Variants in SSPN observed in about 807,000 individuals in gnomAD.
SSPN encodes the protein sarcospan, also known as K-ras oncogene-associated protein.
Under a neutral mutation model 19.1 loss-of-function variants are expected in SSPN, and 15 were observed. The ratio of observed to expected loss-of-function variants is 0.78; its 90% CI spans 0.52 to 1.21. The LOEUF (loss-of-function observed/expected upper bound fraction) is 1.21, where lower values mean the gene tolerates loss of function less well. SSPN is among the 50% of genes most tolerant of loss of function. SSPN has a pLI of 0.00. For synonymous variants in SSPN, 147 were observed against 140.3 expected (o/e 1.05, Z -0.34); for missense variants, 291 against 314.0 (o/e 0.93, Z 0.55).
intron 1 of SSPN, among the ~76,000 whole-genome samples, chr12:26,131,397 C>A (rs1003309551): frequency 1.3e-5 from 2 of 152,246 alleles, no homozygotes; most frequent in South Asian, 4.1e-4. Context: ...ACGTAGCAGA[C>A]CTGTCCTGTG....
chr12:26,224,490 AT>A, intron 2 of SSPN, 111 bp downstream of exon 2: 2 of 931,362 alleles, frequency 2.1e-6, no homozygotes, highest in Non-Finnish European at 3.4e-6. Context: ...TAGAAATTGC[AT>A]TTTTAGGCAG....
chr12:26,174,846 T>C (rs1944674987), intron 1 of SSPN, among the ~76,000 whole-genome samples: 1 of 152,164 alleles, frequency 6.6e-6, no homozygotes, highest in Non-Finnish European at 1.5e-5. Flanking sequence ...TAGAAACCAT[T>C]GATCTACTTT....
At chr12:26,175,918 C>T (rs970229794) in intron 1 of SSPN, among the ~76,000 whole-genome samples, 4 of 151,680 alleles carry the variant, frequency 2.6e-5, no homozygotes, top group Non-Finnish European at 5.9e-5. Flanking sequence ...CTCACTGCAA[C>T]CTCTGCCTCC....
chr12:26,128,439 A>G (rs995356751), intron 1 of SSPN, among the ~76,000 whole-genome samples: 11 of 152,230 alleles, frequency 7.2e-5, no homozygotes, highest in African/African-American at 2.7e-4. Flanking sequence ...ATAATTTTGT[A>G]CAGATGGACA....
chr12:26,124,446 CTTCACTGTGAAATCAATGGCTCTAA>C, intron 1 of SSPN: 1 of 1,501,850 alleles, frequency 6.7e-7, no homozygotes. Context: ...GCGGGCAGAG[CTTCACTGTGAAATCAATGGCTCTAA>C]TTAACTACCC....
At chr12:26,172,564 G>A (rs768385240) in intron 1 of SSPN, among the ~76,000 whole-genome samples, 46 of 152,170 alleles carry the variant, frequency 3.0e-4, no homozygotes, top group Non-Finnish European at 5.6e-4. Context: ...TAGAAATAAA[G>A]TAATTTTCAA....
At chr12:26,172,049 A>G (rs896760757) in intron 1 of SSPN, among the ~76,000 whole-genome samples, 4 of 152,198 alleles carry the variant, frequency 2.6e-5, no homozygotes, top group Non-Finnish European at 5.9e-5. Flanking sequence ...CACCCCATTC[A>G]TGAGAGTCTC....
chr12:26,131,987 A>G (rs927594510), intron 1 of SSPN, among the ~76,000 whole-genome samples: 1 of 152,104 alleles, frequency 6.6e-6, no homozygotes, highest in South Asian at 2.1e-4. Context: ...AGGATCTCCT[A>G]TCCAAGCATT....
rs193201477 is a variant in SSPN, at chr12:26,152,681, C to T, written c.-31+30529C>T. On this transcript the variant is annotated intron_variant, in intron 1 of 2. Coordinates refer to the SSPN transcript ENST00000538142. ...CCCTGCAATAGCCTCTAGTTGTTCT[C>T]CCTGGTTCATTCCTTATCTGTGTCT... 9.2e-5 allele frequency among the ~76,000 whole-genome samples: 14 copies of T among 152,312 alleles called. No homozygotes were observed. In the South Asian group the frequency reaches 1.7e-3, roughly 18 times the overall value.
chr12:26,122,345 G>A (rs1944316321), intron 1 of SSPN: 1 of 1,173,278 alleles, frequency 8.5e-7, no homozygotes, highest in Non-Finnish European at 1.1e-6. Context: ...CGGGGATGCC[G>A]GGGTATAGCA....
intron 1 of SSPN, among the ~76,000 whole-genome samples, chr12:26,150,869 A>G (rs1944521453): frequency 6.6e-6 from 1 of 152,184 alleles, no homozygotes; most frequent in East Asian, 1.9e-4. Flanking sequence ...GGAAAGTCAG[A>G]GCCAGGCCAG....
chr12:26,195,768 C>G lies in SSPN; in HGVS notation c.96C>G (p.Gly32=). ...AGPDDMEPKK[G]TGAPKECGEE... ...CCGACGACATGGAGCCGAAGAAGGG[C>G]ACGGGGGCCCCCAAGGAGTGCGGGG... Residue 32 remains glycine (G), a synonymous_variant, in exon 1 of 3, where the codon GGC becomes GGG. Coordinates refer to ENST00000242729, the MANE Select transcript of SSPN (RefSeq NM_005086.5). 3 of 1,503,180 alleles carry G rather than the reference C, an allele frequency of 2.0e-6. No individual in the cohort carries two copies. Among genetic ancestry groups the G allele is most frequent in the Non-Finnish European group, 2.7e-6 (3 of 1,129,660 alleles). The allele number at this position is 1,503,180 out of a possible 1,614,324, so 93.1% of individuals were successfully genotyped here.
rs766583720 is a variant in SSPN, at chr12:26,233,355, T to TATATATAC, written c.*2280_*2281insTATATACA. 1.4e-5 allele frequency: 2 copies of TATATATAC among 146,540 alleles called. No individual in the cohort carries two copies. Among genetic ancestry groups the TATATATAC allele is most frequent in the African/African-American group, 5.3e-5 (2 of 37,896 alleles). 9.1% of individuals were successfully genotyped at this position (146,540 alleles called of 1,614,324 possible). On this transcript the variant is annotated 3_prime_UTR_variant, in exon 3 of 3. Transcript: ENST00000242729. This position sits in a 1 kb window ranked among gnomAD's most constrained non-coding sequence, Gnocchi z 4.3. ...AGATATATATATATATATATACACATACACACACACACACACATATATACT... is the reference window on the plus strand; with the variant it reads ...AGATATATATATATATATATACACATATATATACACACACACACACACACATATATACT...
intron 1 of SSPN, among the ~76,000 whole-genome samples, chr12:26,213,916 T>C (rs995311581): frequency 9.2e-5 from 14 of 152,270 alleles, no homozygotes; most frequent in African/African-American, 3.4e-4. Context: ...TTCTCTCTTC[T>C]TTTCACTGTA....
At chr12:26,180,455 A>G (rs183529592) in intron 1 of SSPN, 2 of 152,282 alleles carry the variant, frequency 1.3e-5, no homozygotes, top group Admixed American at 6.5e-5. Context: ...CTTCACCTCC[A>G]CACCACTCCA....
At chr12:26,194,949 CAA>C (rs1289737858), upstream of SSPN, among the ~76,000 whole-genome samples, 1 of 152,124 alleles carries the variant, frequency 6.6e-6, no homozygotes, top group Non-Finnish European at 1.5e-5. Context: ...AGGATGGTGA[CAA>C]TGCACTCCAG....
chr12:26,218,620 T>C (rs936906492), intron 1 of SSPN, among the ~76,000 whole-genome samples: 1 of 152,174 alleles, frequency 6.6e-6, no homozygotes, highest in Non-Finnish European at 1.5e-5. Context: ...TGTCTTACCA[T>C]AAGGCAGTGG....
intron 1 of SSPN, among the ~76,000 whole-genome samples, chr12:26,173,424 G>A (rs1403594716): frequency 6.6e-6 from 1 of 152,162 alleles, no homozygotes; most frequent in African/African-American, 2.4e-5. Context: ...TGGGAACCCT[G>A]GTGCATCCCT....
intron 1 of SSPN, among the ~76,000 whole-genome samples, chr12:26,189,181 T>C (rs989102210): frequency 2.0e-5 from 3 of 152,312 alleles, no homozygotes; most frequent in African/African-American, 7.2e-5. Context: ...TAAGTTGTCA[T>C]TTTAATTATA....
Sources: gnomAD v4.1 joint callset for allele counts (sites outside exome capture counted in the v4.1 genomes callset) on GRCh38, gnomAD v4.1.1 for gene constraint, Gnocchi (gnomAD v3.1) non-coding constraint, MANE v1.5 for transcripts, NCBI Gene and HGNC (gene_info 2026-07-23, HGNC 2026-07-21) for gene names.